Variants in USP46 observed in about 807,000 individuals in gnomAD.
The protein encoded by USP46 is ubiquitin specific peptidase 46.
USP46 carries 12 observed loss-of-function variants against 44.4 expected under a neutral mutation model. That is an observed-to-expected ratio of 0.27 (90% CI 0.17 to 0.44). USP46 has a LOEUF of 0.44. Ranked by LOEUF, USP46 falls within the 20% of genes least tolerant of loss-of-function variation. The probability of loss-of-function intolerance (pLI) is 1.00; values close to 1 mark genes in which losing one functional copy is unlikely to be tolerated. For missense variants in USP46, 248 were observed against 444.8 expected (o/e 0.56, Z 3.98); for synonymous variants, 155 against 161.5 (o/e 0.96, Z 0.31).
intron 4 of USP46, among the ~76,000 whole-genome samples, chr4:52,615,479 C>G (rs1717098066): frequency 6.6e-6 from 1 of 152,080 alleles, no homozygotes; most frequent in Admixed American, 6.5e-5. Context: ...AAAAACACAA[C>G]AGTCAAATAT....
intron 4 of USP46, among the ~76,000 whole-genome samples, chr4:52,620,131 A>G (rs981630843): frequency 2.0e-5 from 3 of 152,198 alleles, no homozygotes; most frequent in African/African-American, 7.2e-5. Context: ...ATAACAAGCT[A>G]GGTAAAAGCT....
At chr4:52,655,993 T>C (rs1323984617) in intron 1 of USP46, among the ~76,000 whole-genome samples, 1 of 152,230 alleles carries the variant, frequency 6.6e-6, no homozygotes, top group East Asian at 1.9e-4. Context: ...AAGTATCTGC[T>C]ACAAATTTGA....
At chr4:52,649,226 T>C (rs886666341) in intron 1 of USP46, among the ~76,000 whole-genome samples, 1 of 152,202 alleles carries the variant, frequency 6.6e-6, no homozygotes, top group Admixed American at 6.5e-5. Context: ...GCTTTGCACT[T>C]TGAGCAAACA....
At chr4:52,640,806 C>CAAA (rs757615381) in intron 1 of USP46, among the ~76,000 whole-genome samples, 1 of 82,616 alleles carries the variant, frequency 1.2e-5, no homozygotes, top group Non-Finnish European at 2.6e-5. Flanking sequence ...AACTCCATCT[C>CAAA]AAAAAAAAAA....
Position 52,592,055 on chromosome 4 carries a change from A to G in USP46, c.*5585T>C, listed in dbSNP as rs1716040239. The stretch of plus-strand genomic sequence containing the variant: ...AAAAGATGGTGTGGCTTCATCCAAC[A>G]GTGCCATCTGCATGTTGAGGCTGGG... On this transcript the variant is annotated 3_prime_UTR_variant, in exon 9 of 9. Coordinates refer to ENST00000441222, the MANE Select transcript of USP46 (RefSeq NM_022832.4). The G allele has an allele frequency of 6.6e-6, 1 of 152,226 alleles. No individual in the cohort carries two copies. Among genetic ancestry groups the G allele is most frequent in the Non-Finnish European group, 1.5e-5 (1 of 68,032 alleles). The allele number at this position is 152,226 out of a possible 1,614,324, so 9.4% of individuals were successfully genotyped here.
intron 2 of USP46, among the ~76,000 whole-genome samples, chr4:52,628,600 A>G (rs1038316505): frequency 1.3e-5 from 2 of 152,240 alleles, no homozygotes; most frequent in Admixed American, 6.5e-5. Context: ...TCAAAAAGAA[A>G]TCCAGTAATT....
chr4:52,617,770 G>T (rs1255036346), intron 4 of USP46, among the ~76,000 whole-genome samples: 3 of 152,086 alleles, frequency 2.0e-5, no homozygotes, highest in East Asian at 3.8e-4. Context: ...TAAGAAAGCT[G>T]CCAGAAAAGA....
At chr4:52,597,995 C>T (rs1029408573) in intron 8 of USP46, among the ~76,000 whole-genome samples, 3 of 152,186 alleles carry the variant, frequency 2.0e-5, no homozygotes, top group African/African-American at 7.2e-5. Context: ...CTTTGAAGAA[C>T]AAGCCAAGAC....
At chr4:52,613,206 A>G (rs1716999689) in intron 4 of USP46, among the ~76,000 whole-genome samples, 1 of 152,128 alleles carries the variant, frequency 6.6e-6, no homozygotes, top group Admixed American at 6.5e-5. Flanking sequence ...CTGGGAAACC[A>G]TGCCCACTGG....
chr4:52,599,851 G>C (rs1003017006), intron 7 of USP46, among the ~76,000 whole-genome samples: 2 of 152,060 alleles, frequency 1.3e-5, no homozygotes, highest in African/African-American at 4.8e-5. Context: ...CTGAGCTCCA[G>C]CCCATCTGGC....
Position 52,610,581 on chromosome 4 carries a change from C to T in USP46, c.598G>A (p.Val200Ile). The T allele has an allele frequency of 1.2e-6, 2 of 1,613,966 alleles. No homozygotes were observed. The highest frequency in any genetic ancestry group is 1.1e-5 in the South Asian group (1 of 91,074). Residue 200 changes from valine to isoleucine, a missense_variant, in exon 5 of 9, where the codon GTT (valine) becomes ATT (isoleucine). Val to Ile is a conservative substitution (Grantham distance 29, BLOSUM62 3). Around this residue, in one of 5 missense-constraint regions of USP46, gnomAD observed 98 missense variants for 218.2 expected, o/e 0.45. Coordinates refer to ENST00000441222, the MANE Select transcript of USP46 (RefSeq NM_022832.4). ...ATGGATGTATTCTGCTCCACATCAA[C>T]AGAAAGGTCAAGAAAATCTTCATCT... ...SKDEDFLDLSVDVEQNTSITH... is the reference protein window; with the variant it reads ...SKDEDFLDLSIDVEQNTSITH...
At chr4:52,658,541 GCAAATTACGGTGCTTTTT>G (rs1174897525) in intron 1 of USP46, among the ~76,000 whole-genome samples, 4 of 152,224 alleles carry the variant, frequency 2.6e-5, no homozygotes, top group Non-Finnish European at 5.9e-5. Flanking sequence ...GGCATGCGGA[GCAAATTACGGTGCTTTTT>G]CAAACCAGGT....
chr4:52,658,104 G>C (rs1019604550), intron 1 of USP46: 4 of 420,418 alleles, frequency 9.5e-6, no homozygotes, highest in Middle Eastern at 7.8e-4. Flanking sequence ...CCGGGGACCC[G>C]CTTGGGAGGG....
At chr4:52,630,216 G>T (rs940174332) in intron 2 of USP46, among the ~76,000 whole-genome samples, 3 of 152,132 alleles carry the variant, frequency 2.0e-5, no homozygotes, top group Admixed American at 2.0e-4. Context: ...GAGCTGCTGG[G>T]TCCAGCCTTC....
intron 4 of USP46, among the ~76,000 whole-genome samples, chr4:52,613,599 G>A (rs1275039736): frequency 1.3e-5 from 2 of 151,814 alleles, no homozygotes; most frequent in Non-Finnish European, 1.5e-5. Context: ...GCAGGCGCCT[G>A]TAATCCCAGC....
chr4:52,656,806 G>A (rs1245596564), intron 1 of USP46, among the ~76,000 whole-genome samples: 1 of 152,052 alleles, frequency 6.6e-6, no homozygotes, highest in Admixed American at 6.6e-5. Context: ...TCGGGAGGCT[G>A]AGGTGGGAGG....
chr4:52,658,985 C>G (rs1485439675), intron 1 of USP46, 130 bp downstream of exon 1: 1 of 1,169,822 alleles, frequency 8.5e-7, no homozygotes, highest in African/African-American at 1.6e-5. Flanking sequence ...GCTCGGGGGC[C>G]GGGAACTTCT....
chr4:52,623,147 T>C (rs1016942656), intron 4 of USP46, among the ~76,000 whole-genome samples: 5 of 152,094 alleles, frequency 3.3e-5, no homozygotes, highest in Non-Finnish European at 5.9e-5. Context: ...GGAAGAAAAG[T>C]ATCTTAAGGG....
chr4:52,603,694 T>G (rs1175145223), intron 6 of USP46, among the ~76,000 whole-genome samples: 4 of 152,310 alleles, frequency 2.6e-5, no homozygotes, highest in Non-Finnish European at 4.4e-5. Flanking sequence ...TTTTCTTTTT[T>G]CTTTTTTTGA....
Sources: allele counts gnomAD v4.1 joint callset (sites outside exome capture counted in the v4.1 genomes callset), GRCh38; gene constraint gnomAD v4.1.1; regional missense constraint gnomAD v4.1.1; transcripts MANE v1.5; gene names NCBI Gene and HGNC (gene_info 2026-07-23, HGNC 2026-07-21).